The following CNTNAP2 variants were observed in gnomAD, a reference collection of about 807,000 sequenced individuals.
CNTNAP2 encodes contactin associated protein 2.
In CNTNAP2, 98 loss-of-function variants were observed where a neutral mutation model predicts 155.2. That is an observed-to-expected ratio of 0.63 (90% CI 0.54 to 0.75). The LOEUF (loss-of-function observed/expected upper bound fraction) is 0.75. Ranked by LOEUF, CNTNAP2 falls within the 30% of genes least tolerant of loss-of-function variation. The probability of loss-of-function intolerance (pLI) is 0.00; values close to 1 mark genes in which losing one functional copy is unlikely to be tolerated. For synonymous variants in CNTNAP2, 651 were observed against 631.2 expected, an observed-to-expected ratio of 1.03 and a Z score of -0.47; for missense variants, 1,727 against 1,688.1, an observed-to-expected ratio of 1.02 and a Z score of -0.40.
At chr7:147,815,883 C>T (rs1231324421) in intron 13 of CNTNAP2, among the ~76,000 whole-genome samples, 3 of 152,204 alleles carry the variant, frequency 2.0e-5, no homozygotes, top group Admixed American at 6.5e-5. Context: ...CCACTGGCCT[C>T]ACAGTTCAGA....
At chr7:147,927,127 G>T (rs1263577664) in intron 14 of CNTNAP2, among the ~76,000 whole-genome samples, 1 of 152,072 alleles carries the variant, frequency 6.6e-6, no homozygotes, top group African/African-American at 2.4e-5. Flanking sequence ...AGATAAATAT[G>T]CATTTATTCT....
intron 8 of CNTNAP2, among the ~76,000 whole-genome samples, chr7:147,230,295 G>C (rs1487534969): frequency 6.6e-6 from 1 of 151,802 alleles, no homozygotes; most frequent in Non-Finnish European, 1.5e-5. Context: ...GTCTCTCTCT[G>C]TCACCAGGCT....
chr7:147,178,931 A>G (rs1802403830), intron 8 of CNTNAP2, among the ~76,000 whole-genome samples: 1 of 152,130 alleles, frequency 6.6e-6, no homozygotes, highest in Admixed American at 6.5e-5. Flanking sequence ...TGACTCTGTT[A>G]GGATTAAGGA....
At chr7:147,232,389 C>T (rs1291209469) in intron 8 of CNTNAP2, among the ~76,000 whole-genome samples, 1 of 152,164 alleles carries the variant, frequency 6.6e-6, no homozygotes. Context: ...AGCCAAAACG[C>T]TCCTGGGAAA....
chr7:147,176,639 A>T (rs1391456090), intron 8 of CNTNAP2, among the ~76,000 whole-genome samples: 1 of 140,646 alleles, frequency 7.1e-6, no homozygotes, highest in Non-Finnish European at 1.5e-5. Flanking sequence ...CGTATAATAT[A>T]ATATTTATAA....
chr7:146,761,936 G>C (rs1802108723), intron 1 of CNTNAP2, among the ~76,000 whole-genome samples: 1 of 152,084 alleles, frequency 6.6e-6, no homozygotes, highest in Non-Finnish European at 1.5e-5. Context: ...TCAAAGGATA[G>C]TATGCGACTC....
chr7:148,255,863 C>T (rs768035330), intron 20 of CNTNAP2, among the ~76,000 whole-genome samples: 13 of 152,174 alleles, frequency 8.5e-5, no homozygotes, highest in East Asian at 1.9e-4. Flanking sequence ...TGGGAAACTG[C>T]GTTCCTTGTG....
At chr7:146,464,985 T>C (rs1796694286) in intron 1 of CNTNAP2, among the ~76,000 whole-genome samples, 1 of 152,140 alleles carries the variant, frequency 6.6e-6, no homozygotes, top group Non-Finnish European at 1.5e-5. Flanking sequence ...ATTCCATTTC[T>C]GAACCTAGTC....
chr7:147,711,854 A>G (rs931004495), intron 13 of CNTNAP2, among the ~76,000 whole-genome samples: 17 of 152,160 alleles, frequency 1.1e-4, no homozygotes, highest in Non-Finnish European at 1.5e-4. Context: ...CTTTCCCTGT[A>G]TGCTGGGGAC....
At chr7:146,925,509 T>C (rs1455446486) in intron 3 of CNTNAP2, among the ~76,000 whole-genome samples, 1 of 152,124 alleles carries the variant, frequency 6.6e-6, no homozygotes, top group African/African-American at 2.4e-5. Flanking sequence ...GTTAAATTGA[T>C]CATTTGTTAA....
chr7:147,233,869 T>C (rs1462526118), intron 8 of CNTNAP2, among the ~76,000 whole-genome samples: 2 of 152,218 alleles, frequency 1.3e-5, no homozygotes, highest in African/African-American at 4.8e-5. Context: ...CTTGATCATA[T>C]TATTTCCATG....
intron 16 of CNTNAP2, among the ~76,000 whole-genome samples, chr7:148,119,438 A>T (rs1804553615): frequency 6.6e-6 from 1 of 151,950 alleles, no homozygotes; most frequent in African/African-American, 2.4e-5. Flanking sequence ...AGGCTGAGGC[A>T]GGAGAATGGC....
At chr7:146,404,552 C>G (rs1795763495) in intron 1 of CNTNAP2, among the ~76,000 whole-genome samples, 1 of 152,156 alleles carries the variant, frequency 6.6e-6, no homozygotes, top group African/African-American at 2.4e-5. Context: ...AATTATCAGT[C>G]AGGGTGATCA....
intron 16 of CNTNAP2, among the ~76,000 whole-genome samples, chr7:148,129,600 A>T (rs1804785716): frequency 6.6e-6 from 1 of 152,238 alleles, no homozygotes; most frequent in Admixed American, 6.5e-5. Flanking sequence ...CTGCTCTGAG[A>T]AAATCTTGAA....
chr7:147,013,098 AAT>A (rs1276052439), intron 3 of CNTNAP2, among the ~76,000 whole-genome samples: 1 of 152,184 alleles, frequency 6.6e-6, no homozygotes, highest in Non-Finnish European at 1.5e-5. Flanking sequence ...TTTCTTGAAT[AAT>A]AGTTTATTAA....
chr7:146,511,824 AT>A (rs1475729390), intron 1 of CNTNAP2, among the ~76,000 whole-genome samples: 3 of 152,072 alleles, frequency 2.0e-5, no homozygotes. Flanking sequence ...CCTCTTAAAT[AT>A]TTTTTGAAGA....
chr7:146,172,716 G>A (rs185776734), intron 1 of CNTNAP2, among the ~76,000 whole-genome samples: 12 of 152,246 alleles, frequency 7.9e-5, no homozygotes, highest in Non-Finnish European at 1.0e-4. Flanking sequence ...TAGCAACCAT[G>A]TGTAGTACAG....
At chr7:147,133,191 A>T (rs1422070340) in intron 8 of CNTNAP2, among the ~76,000 whole-genome samples, 4 of 152,172 alleles carry the variant, frequency 2.6e-5, no homozygotes, top group Non-Finnish European at 5.9e-5. Flanking sequence ...AGTACAAAGA[A>T]AGGTGACATT....
intron 2 of CNTNAP2, among the ~76,000 whole-genome samples, chr7:146,797,148 C>A (rs752289022): frequency 3.3e-5 from 5 of 151,984 alleles, no homozygotes; most frequent in South Asian, 4.2e-4. Flanking sequence ...AAAAAAAATT[C>A]TTTTTAATTA....
Sources: gnomAD v4.1 joint callset for allele counts (sites outside exome capture counted in the v4.1 genomes callset) on GRCh38, gnomAD v4.1.1 for gene constraint, MANE v1.5 for transcripts, NCBI Gene and HGNC (gene_info 2026-07-23, HGNC 2026-07-21) for gene names.